Variants in ADPRHL1 observed in about 807,000 individuals in gnomAD.
ADPRHL1 encodes ADP-ribosylhydrolase like 1.
ADPRHL1 carries 43 observed loss-of-function variants against 44.1 expected under a neutral mutation model. The ratio of observed to expected loss-of-function variants is 0.98; its 90% CI spans 0.76 to 1.26. The LOEUF (loss-of-function observed/expected upper bound fraction) is 1.26. Among genes scored for constraint, ADPRHL1 ranks in the 50% most tolerant of loss-of-function variants. ADPRHL1 has a pLI of 0.00. For synonymous variants in ADPRHL1, 878 were observed against 1,017.4 expected, an observed-to-expected ratio of 0.86 and a Z score of 2.61; for missense variants, 2,022 against 2,496.9, an observed-to-expected ratio of 0.81 and a Z score of 4.05.
chr13:113,424,807 CCCAT>C (rs2043954951), intron 5 of ADPRHL1, among the ~76,000 whole-genome samples: 2 of 4,762 alleles, frequency 4.2e-4, no homozygotes, highest in East Asian at 8.1e-3. Context: ...CACCCACCCA[CCCAT>C]GCACCCATCC....
At chr13:113,446,061 G>C (rs1006597860) in intron 1 of ADPRHL1, among the ~76,000 whole-genome samples, 1 of 127,744 alleles carries the variant, frequency 7.8e-6, no homozygotes, top group African/African-American at 3.4e-5. Context: ...TGCAGGGCCC[G>C]GCGGCTGCAA....
rs1595543757 is a variant in ADPRHL1 at position 113,422,920 on chromosome 13, C to G, written c.967G>C (p.Asp323His). 6.2e-7 allele frequency: 1 copy of G among 1,612,842 alleles called. No homozygotes were observed. Among genetic ancestry groups the G allele is most frequent in the Non-Finnish European group, 8.5e-7 (1 of 1,180,004 alleles). ...GCLFGLLYGL[D>H]LVPKGLYQDL... ...TGGTACAAGCCTTTGGGAACGAGGTCCAGGCCGTACAGCAACCCGAACAGG... is the reference window on the plus strand; with the variant it reads ...TGGTACAAGCCTTTGGGAACGAGGTGCAGGCCGTACAGCAACCCGAACAGG... Residue 323 changes from aspartate to histidine, a missense_variant, in exon 7 of 8, where the codon GAC (aspartate) becomes CAC (histidine). Physicochemically the swap from Asp to His is moderately conservative, Grantham distance 81 (BLOSUM62 -1). Transcript: ENST00000612156.
chr13:113,412,132 GTGC>G (rs563868092), intron 7 of ADPRHL1, among the ~76,000 whole-genome samples: 2 of 152,180 alleles, frequency 1.3e-5, no homozygotes, highest in Admixed American at 1.3e-4. Context: ...AGCTCAGCGT[GTGC>G]TGCTGCTGCT....
At position 113,406,031 on chromosome 13, in the gene ADPRHL1, G is replaced by T; in HGVS notation, c.3251C>A (p.Ala1084Asp). 2.4e-6 allele frequency: 3 copies of T among 1,232,132 alleles called. No individual in the cohort carries two copies. Among genetic ancestry groups the T allele is most frequent in the South Asian group, 4.1e-5 (1 of 24,322 alleles). 76.3% of individuals were successfully genotyped at this position (1,232,132 alleles called of 1,614,324 possible). Residue 1084 changes from alanine to aspartate, a missense_variant, in exon 8 of 8, where the codon GCC (alanine) becomes GAC (aspartate). By Grantham distance (126) the Ala-to-Asp change is moderately radical. Transcript: ENST00000612156. ...LIESSQPLKAAEEITSHDVRE... is the reference protein window; with the variant it reads ...LIESSQPLKADEEITSHDVRE... ...AACATCATGGCTGGTGATTTCCTCG[G>T]CAGCCTTCAGGGGCTGAGAAGACTC...
chr13:113,442,707 G>A lies in ADPRHL1; in HGVS notation c.379+1718C>T, dbSNP rs940386120. Among the ~76,000 whole-genome samples the A allele has an allele frequency of 3.9e-5, 6 of 152,146 alleles. 1 individual carries two copies. The highest frequency in any genetic ancestry group is 1.5e-5 in the Non-Finnish European group (1 of 68,032). On this transcript the variant is annotated intron_variant, in intron 2 of 7. Coordinates refer to ENST00000612156, the MANE Select transcript of ADPRHL1 (RefSeq NM_001394807.1). ...CTTCATGTTTCTTGTGCTTGGAATT[G>A]ATTTTCTTGTATCTGTGAGTTTATA...
In ADPRHL1 at chr13:113,434,595, G is replaced by A. The variant is rs11843419; in HGVS notation, c.380-728C>T. Among the ~76,000 whole-genome samples, 53 of 62,142 alleles carry A rather than the reference G, an allele frequency of 8.5e-4. 1 individual carries two copies. Among genetic ancestry groups the A allele is most frequent in the African/African-American group, 1.3e-3 (20 of 15,598 alleles). 40.8% of individuals were successfully genotyped at this position (62,142 alleles called of 152,430 possible). On this transcript the variant is annotated intron_variant, in intron 2 of 7. Transcript: ENST00000612156. Reference sequence around the variant, plus strand: ...TGAACACAGGTGTACCCCGGGACCCGGCACCCAGGTGTAGAGTGAACATAG... The same window carrying A: ...TGAACACAGGTGTACCCCGGGACCCAGCACCCAGGTGTAGAGTGAACATAG...
At chr13:113,442,560 C>G (rs946531680) in intron 2 of ADPRHL1, among the ~76,000 whole-genome samples, 1 of 152,212 alleles carries the variant, frequency 6.6e-6, no homozygotes, top group African/African-American at 2.4e-5. Flanking sequence ...GACAAGGCAT[C>G]TGCTGTCATT....
chr13:113,418,998 CCCTT>C lies in ADPRHL1; in HGVS notation c.1061+3824_1061+3827del, dbSNP rs748178662. Among the ~76,000 whole-genome samples the C allele has an allele frequency of 8.0e-3, 832 of 103,876 alleles. 62 individuals are homozygous for C. The highest frequency in any genetic ancestry group is 0.012 in the African/African-American group (333 of 27,292). 68.1% of individuals were successfully genotyped at this position (103,876 alleles called of 152,430 possible). A position where few individuals can be genotyped will look rare whatever the true frequency, so the allele number is the denominator to read the frequency against. ...CTTTTCCTTCCCTCCCTCCCTCCCTCCCTTCCTCCCTCCCTTCCTTCCTTTCTTC... is the reference window on the plus strand; with the variant it reads ...CTTTTCCTTCCCTCCCTCCCTCCCTCCCTCCCTCCCTTCCTTCCTTTCTTC... On this transcript the variant is annotated intron_variant, in intron 7 of 7. Transcript: ENST00000612156.
At chr13:113,436,370 G>GCACA (rs1293170278) in intron 2 of ADPRHL1, among the ~76,000 whole-genome samples, 6 of 98,674 alleles carry the variant, frequency 6.1e-5, no homozygotes, top group Non-Finnish European at 1.1e-4. Flanking sequence ...GCACCCAGGT[G>GCACA]TAGGGTGAAC....
intron 1 of ADPRHL1, among the ~76,000 whole-genome samples, chr13:113,447,131 AT>A: frequency 6.8e-6 from 1 of 146,604 alleles, no homozygotes; most frequent in Non-Finnish European, 1.5e-5. Flanking sequence ...TGGTGTCTAC[AT>A]GCAAGTTGTA....
chr13:113,424,275 G>T lies in ADPRHL1; in HGVS notation c.849C>A (p.Ala283=), dbSNP rs1025666117. Residue 283 remains alanine (A), a synonymous_variant, in exon 6 of 8, where the codon GCC becomes GCA. Coordinates refer to ENST00000612156, the MANE Select transcript of ADPRHL1 (RefSeq NM_001394807.1). ...TCCAGCTGTTTCCTGCTGCAAGGAG[G>T]GCGTCATAGGCTATCATGGGGGCAT... ...GHDAPMIAYD[A]LLAAGNSWTE... is the part of the protein sequence containing the mutation. 1 of 1,612,988 alleles carries T rather than the reference G, an allele frequency of 6.2e-7. No individual in the cohort carries two copies. The highest frequency in any genetic ancestry group is 1.3e-5 in the African/African-American group (1 of 75,046).
chr13:113,403,840 C>T lies in ADPRHL1; in HGVS notation c.5442G>A (p.Ala1814=), dbSNP rs998517621. The change falls in exon 8 of 8, where the codon GCG becomes GCA. Residue 1814 remains alanine, a synonymous_variant. Coordinates refer to ENST00000612156, the MANE Select transcript of ADPRHL1 (RefSeq NM_001394807.1). ...TAATGGGCTGCTCCCAGGCCCGAGG[C>T]GCCATCCCACTTGTCAAGGCCTGTT... is the stretch of plus-strand genomic sequence containing the variant. ...GREQALTSGM[A]PRAWEQPISG... 33 of 1,130,466 alleles carry T rather than the reference C, an allele frequency of 2.9e-5. No individual in the cohort carries two copies. In the East Asian group the frequency reaches 4.9e-4, roughly 17 times the overall value. The allele number at this position is 1,130,466 out of a possible 1,614,324, so 70.0% of individuals were successfully genotyped here.
At chr13:113,429,893 G>A (rs1364391847) in intron 3 of ADPRHL1, among the ~76,000 whole-genome samples, 2 of 152,176 alleles carry the variant, frequency 1.3e-5, no homozygotes, top group Admixed American at 1.3e-4. Flanking sequence ...ATTTTCTTTG[G>A]TATGTCAAAT....
rs1041213266 is a variant in ADPRHL1, at chr13:113,453,044, T to G, written c.214+180A>C. 6.6e-6 allele frequency among the ~76,000 whole-genome samples: 1 copy of G among 152,230 alleles called. No homozygotes were observed. Among genetic ancestry groups the G allele is most frequent in the Non-Finnish European group, 1.5e-5 (1 of 68,044 alleles). ...GAGAAACCACAGGAGAAACGTGATC[T>G]GCCGCATATCAAATTTGAGGGACAC... On this transcript the variant is annotated intron_variant, in intron 1 of 7. Coordinates refer to ENST00000612156, the MANE Select transcript of ADPRHL1 (RefSeq NM_001394807.1). This position sits in a 1 kb window ranked among gnomAD's most constrained non-coding sequence, Gnocchi z 5.4.
At chr13:113,434,721 G>A (rs1437958397) in intron 2 of ADPRHL1, among the ~76,000 whole-genome samples, 72 of 69,300 alleles carry the variant, frequency 1.0e-3, no homozygotes, top group East Asian at 2.4e-3. Flanking sequence ...CCCGGGACCC[G>A]GCACCCAGGC....
At position 113,407,295 on chromosome 13, in the gene ADPRHL1, C is replaced by T. The variant is rs2043816353; in HGVS notation, c.1987G>A (p.Gly663Arg). ...CCCACTGCTTTGTTCCCACTGGGCC[C>T]CGTCTCCCTGGCACTAGGGGGCACG... is the stretch of plus-strand genomic sequence containing the variant. ...ASVPPSARET[G>R]PSGNKAVGKG... Residue 663 changes from glycine (G) to arginine (R), a missense_variant, in exon 8 of 8, where the codon GGG becomes AGG. Around this residue, in one of 8 missense-constraint regions of ADPRHL1, gnomAD observed 1,221 missense variants for 1,517.8 expected, o/e 0.80. Transcript: ENST00000612156. 2 of 1,232,048 alleles carry T rather than the reference C, an allele frequency of 1.6e-6. No individual in the cohort carries two copies. The highest frequency in any genetic ancestry group is 6.3e-5 in the East Asian group (2 of 31,706). 76.3% of individuals were successfully genotyped at this position (1,232,048 alleles called of 1,614,324 possible). A position where few individuals can be genotyped will look rare whatever the true frequency, so the allele number is the denominator to read the frequency against.
intron 2 of ADPRHL1, among the ~76,000 whole-genome samples, chr13:113,442,397 G>A (rs1351055191): frequency 1.3e-5 from 2 of 152,256 alleles, no homozygotes; most frequent in East Asian, 3.8e-4. Flanking sequence ...TGAGGCTGCA[G>A]TAAGTGGCAC....
In ADPRHL1 at chr13:113,408,100, G is replaced by C. The variant is rs918376511; in HGVS notation, c.1182C>G (p.Leu394=). The change falls in exon 8 of 8, where the codon CTC becomes CTG. Residue 394 remains leucine (L), a synonymous_variant. Transcript: ENST00000612156. ...GCCGGTCTGCGCGGCCCGTGACGTAGAGCAGCAGGCTGCTGAGGATGGAGT... is the reference window on the plus strand; with the variant it reads ...GCCGGTCTGCGCGGCCCGTGACGTACAGCAGCAGGCTGCTGAGGATGGAGT... ...AAHSILSSLL[L]YVTGRADRPP... is the part of the protein sequence containing the mutation. 14 of 1,231,932 alleles carry C rather than the reference G, an allele frequency of 1.1e-5. 1 individual carries two copies. In the Admixed American group the frequency reaches 3.0e-4, roughly 26 times the overall value. 76.3% of individuals were successfully genotyped at this position (1,231,932 alleles called of 1,614,324 possible). A position where few individuals can be genotyped will look rare whatever the true frequency, so the allele number is the denominator to read the frequency against.
chr13:113,416,043 C>T (rs1401647860), intron 7 of ADPRHL1, among the ~76,000 whole-genome samples: 4 of 151,674 alleles, frequency 2.6e-5, no homozygotes, highest in South Asian at 4.2e-4. Flanking sequence ...GGCCCCCAGG[C>T]GGCGGCAGAG....
Sources: allele counts gnomAD v4.1 joint callset (sites outside exome capture counted in the v4.1 genomes callset), GRCh38; gene constraint gnomAD v4.1.1; regional missense constraint gnomAD v4.1.1; non-coding constraint Gnocchi (gnomAD v3.1); transcripts MANE v1.5; gene names NCBI Gene and HGNC (gene_info 2026-07-23, HGNC 2026-07-21).